The following LINGO2 variants were observed in gnomAD, a reference collection of about 807,000 sequenced individuals.
LINGO2 encodes leucine-rich repeat and immunoglobulin-like domain-containing nogo receptor-interacting protein 2.
LINGO2 carries 14 observed loss-of-function variants against 30.6 expected under a neutral mutation model. That is an observed-to-expected ratio of 0.46 (90% confidence interval 0.30 to 0.72). The LOEUF (loss-of-function observed/expected upper bound fraction) is 0.72, where lower values mean the gene tolerates loss of function less well. Ranked by LOEUF, LINGO2 falls within the 30% of genes least tolerant of loss-of-function variation. The pLI, the probability that LINGO2 is intolerant of heterozygous loss-of-function variation, is 0.07. For missense variants in LINGO2, 729 were observed against 751.7 expected, an observed-to-expected ratio of 0.97 and a Z score of 0.35; for synonymous variants, 317 against 288.5, an observed-to-expected ratio of 1.10 and a Z score of -1.00.
intron 2 of LINGO2, among the ~76,000 whole-genome samples, chr9:28,410,170 A>C (rs951253563): frequency 3.4e-4 from 51 of 150,770 alleles, no homozygotes; most frequent in Non-Finnish European, 6.8e-4. Flanking sequence ...AGAGAAAGAG[A>C]AAGAGGAAAG....
At chr9:28,049,230 C>T (rs1401980800) in intron 4 of LINGO2, among the ~76,000 whole-genome samples, 1 of 150,596 alleles carries the variant, frequency 6.6e-6, no homozygotes, top group East Asian at 2.0e-4. Flanking sequence ...TTTACTGAGC[C>T]GATATTCTGG....
chr9:28,704,116 G>A, the LINGO2 span, among the ~76,000 whole-genome samples: 2 of 151,978 alleles, frequency 1.3e-5, no homozygotes, highest in Admixed American at 6.6e-5. Context: ...ATTTTTAAAA[G>A]CAGGTTTATT....
the LINGO2 span, among the ~76,000 whole-genome samples, chr9:28,720,363 G>A: frequency 1.3e-5 from 2 of 151,962 alleles, no homozygotes; most frequent in Non-Finnish European, 2.9e-5. Context: ...TCCTTTCAAG[G>A]TTCATGCCAA....
At chr9:28,689,723 T>C in the LINGO2 span, among the ~76,000 whole-genome samples, 15 of 152,264 alleles carry the variant, frequency 9.9e-5, no homozygotes, top group African/African-American at 2.6e-4. Flanking sequence ...CCCAAGGTAA[T>C]ATAAATCATT....
the LINGO2 span, among the ~76,000 whole-genome samples, chr9:28,754,282 T>C: frequency 1.3e-5 from 2 of 152,056 alleles, no homozygotes; most frequent in Non-Finnish European, 2.9e-5. Flanking sequence ...TTCATCTGGA[T>C]AAATATCTTG....
At chr9:28,811,318 A>G in the LINGO2 span, among the ~76,000 whole-genome samples, 1 of 152,270 alleles carries the variant, frequency 6.6e-6, no homozygotes, top group Non-Finnish European at 1.5e-5. Context: ...TCTTTGAATT[A>G]CTTCGAGAGC....
intron 4 of LINGO2, among the ~76,000 whole-genome samples, chr9:28,163,821 A>G (rs1461003174): frequency 6.6e-6 from 1 of 152,186 alleles, no homozygotes; most frequent in Non-Finnish European, 1.5e-5. Context: ...TTGCCTATTT[A>G]CAGTTCACTG....
chr9:28,435,006 T>TA (rs933652706), intron 2 of LINGO2, among the ~76,000 whole-genome samples: 31 of 152,008 alleles, frequency 2.0e-4, no homozygotes, highest in African/African-American at 6.5e-4. Flanking sequence ...TCATTTTACT[T>TA]AAAAAAAATT....
At chr9:28,537,088 T>C (rs1821467385) in intron 1 of LINGO2, among the ~76,000 whole-genome samples, 1 of 151,886 alleles carries the variant, frequency 6.6e-6, no homozygotes, top group South Asian at 2.1e-4. Flanking sequence ...GAAACTGACA[T>C]GATGCAACAG....
intron 1 of LINGO2, among the ~76,000 whole-genome samples, chr9:28,493,072 G>A (rs1294705873): frequency 6.6e-6 from 1 of 152,070 alleles, no homozygotes; most frequent in Non-Finnish European, 1.5e-5. Flanking sequence ...GTTTCTTAAA[G>A]GAAACAAGTA....
At chr9:28,756,071 T>C in the LINGO2 span, among the ~76,000 whole-genome samples, 8 of 152,050 alleles carry the variant, frequency 5.3e-5, no homozygotes, top group African/African-American at 1.9e-4. Context: ...TTTGGAGATG[T>C]GAGATGATCC....
chr9:28,632,871 T>TA (rs1563879112), intron 1 of LINGO2, among the ~76,000 whole-genome samples: 28 of 107,628 alleles, frequency 2.6e-4, no homozygotes, highest in Non-Finnish European at 2.3e-4. Context: ...TATATATATA[T>TA]ATATATATGT....
At chr9:28,502,740 C>G (rs1462676116) in intron 1 of LINGO2, among the ~76,000 whole-genome samples, 3 of 152,076 alleles carry the variant, frequency 2.0e-5, no homozygotes, top group Non-Finnish European at 4.4e-5. Flanking sequence ...TAGAATATTT[C>G]TTCATTTTAT....
intron 4 of LINGO2, among the ~76,000 whole-genome samples, chr9:28,277,876 C>T (rs375287309): frequency 1.4e-4 from 21 of 150,464 alleles, no homozygotes; most frequent in Non-Finnish European, 2.8e-4. Flanking sequence ...TAGAAATGAT[C>T]GAGCTTAGTG....
chr9:28,373,849 A>G (rs1819459), intron 2 of LINGO2, among the ~76,000 whole-genome samples: 76,279 of 150,480 alleles, frequency 0.51, 20,758 homozygotes, highest in Non-Finnish European at 0.59. Context: ...GCAGTGAGCC[A>G]AGATCAGGCC....
At chr9:29,095,010 T>C in the LINGO2 span, among the ~76,000 whole-genome samples, 501 of 138,604 alleles carry the variant, frequency 3.6e-3, 94 homozygotes, top group African/African-American at 0.011. Context: ...CAAGAGTCTA[T>C]GCTTACAAAA....
chr9:28,697,098 A>G, the LINGO2 span, among the ~76,000 whole-genome samples: 1 of 151,938 alleles, frequency 6.6e-6, no homozygotes, highest in Non-Finnish European at 1.5e-5. Context: ...TATGAACAGT[A>G]TGTTATTTTT....
At chr9:28,992,309 G>A in the LINGO2 span, among the ~76,000 whole-genome samples, 3 of 152,140 alleles carry the variant, frequency 2.0e-5, no homozygotes, top group African/African-American at 7.2e-5. Flanking sequence ...ACAACAAGAA[G>A]AGCTAACTAT....
At chr9:28,421,985 C>A (rs1466548701) in intron 2 of LINGO2, among the ~76,000 whole-genome samples, 1 of 151,930 alleles carries the variant, frequency 6.6e-6, no homozygotes, top group Admixed American at 6.6e-5. Flanking sequence ...CCTTACCTTA[C>A]CTACACCATA....
Sources: allele counts gnomAD v4.1 joint callset (sites outside exome capture counted in the v4.1 genomes callset), GRCh38; gene constraint gnomAD v4.1.1; transcripts MANE v1.5; gene names NCBI Gene and HGNC (gene_info 2026-07-23, HGNC 2026-07-21).